The following TRPM6 variants were observed in gnomAD, a reference collection of about 807,000 sequenced individuals.
TRPM6 encodes channel kinase 2.
Under a neutral mutation model 247.6 loss-of-function variants are expected in TRPM6, and 111 were observed. The observed-to-expected ratio is 0.45, with a 90% CI of 0.38 to 0.52. The LOEUF is 0.52. Among genes scored for constraint, TRPM6 ranks in the 20% least tolerant of loss-of-function variants. TRPM6 has a pLI of 0.00. For synonymous variants in TRPM6, 892 were observed against 853.8 expected, an observed-to-expected ratio of 1.04 and a Z score of -0.78; for missense variants, 2,126 against 2,421.5, an observed-to-expected ratio of 0.88 and a Z score of 2.56.
At chr9:74,783,626 G>A (rs1827540705) in intron 21 of TRPM6, among the ~76,000 whole-genome samples, 3 of 152,312 alleles carry the variant, frequency 2.0e-5, no homozygotes, top group Admixed American at 2.0e-4. Flanking sequence ...GCCCCCATGA[G>A]CACTCACCAA....
intron 23 of TRPM6, among the ~76,000 whole-genome samples, chr9:74,781,396 C>T (rs1827438535): frequency 6.6e-6 from 1 of 151,684 alleles, no homozygotes; most frequent in Non-Finnish European, 1.5e-5. Context: ...ATTAGCCAGG[C>T]ATGGTGGCAG....
chr9:74,781,604 A>C (rs193094753), intron 23 of TRPM6, among the ~76,000 whole-genome samples: 302 of 151,762 alleles, frequency 2.0e-3, no homozygotes, highest in African/African-American at 7.0e-3. Flanking sequence ...AAAGAGAGGA[A>C]AGGAGAGGAG....
Position 74,788,666 on chromosome 9 carries a change from T to C in TRPM6, c.2615A>G (p.Glu872Gly). Residue 872 changes from glutamate (E) to glycine (G), a missense_variant, in exon 20 of 39, where the codon GAG (glutamate) becomes GGG (glycine). Physicochemically the swap from Glu to Gly is moderately conservative, Grantham distance 98 (BLOSUM62 -2). This residue lies in a region of TRPM6 where 1,082 missense variants were observed against 1,307.9 expected (regional missense o/e 0.83). Coordinates refer to ENST00000360774, the MANE Select transcript of TRPM6 (RefSeq NM_017662.5). ...GAAGATGTAAATGCTAACAAGCCAC[T>C]CCTGCACGCTGGGCTGGGGCTGCAT... Reference protein sequence around the residue: ...VEMQPQPSVQEWLVSIYIFTN... With the variant: ...VEMQPQPSVQGWLVSIYIFTN... The C allele has an allele frequency of 1.2e-6, 2 of 1,614,030 alleles. No homozygotes were observed. Among genetic ancestry groups the C allele is most frequent in the Non-Finnish European group, 1.7e-6 (2 of 1,179,958 alleles).
chr9:74,801,423 A>G (rs77230869), intron 16 of TRPM6, among the ~76,000 whole-genome samples: 3,111 of 152,068 alleles, frequency 0.02, 101 homozygotes, highest in African/African-American at 0.07. Flanking sequence ...CTTCATTACT[A>G]TAACACTTTA....
intron 1 of TRPM6, chr9:74,887,523 A>G: frequency 8.3e-7 from 1 of 1,199,688 alleles, no homozygotes; most frequent in Non-Finnish European, 1.2e-6. Context: ...CCCCGAGCTG[A>G]ACCCCCGACC....
intron 36 of TRPM6, among the ~76,000 whole-genome samples, chr9:74,733,996 C>T (rs555351888): frequency 4.6e-5 from 7 of 152,092 alleles, no homozygotes; most frequent in South Asian, 2.1e-4. Context: ...ATTTTCTAAA[C>T]GTATATAAGT....
chr9:74,807,290 C>G (rs1828558160), intron 14 of TRPM6, among the ~76,000 whole-genome samples: 1 of 152,180 alleles, frequency 6.6e-6, no homozygotes, highest in Non-Finnish European at 1.5e-5. Flanking sequence ...CAACAAAGGT[C>G]TCCTTGTCAC....
chr9:74,767,016 T>G (rs1471663861), intron 25 of TRPM6, among the ~76,000 whole-genome samples: 1 of 152,194 alleles, frequency 6.6e-6, no homozygotes. Flanking sequence ...CATTGACCAC[T>G]GCCTTCTGGT....
At chr9:74,766,633 G>A (rs1230361027) in intron 25 of TRPM6, among the ~76,000 whole-genome samples, 3 of 152,052 alleles carry the variant, frequency 2.0e-5, no homozygotes, top group Non-Finnish European at 2.9e-5. Context: ...TGGGTCAGCC[G>A]GGCACAGTGG....
rs751686017 is a variant in TRPM6 at position 74,792,729 on chromosome 9, A to C, written c.2433T>G (p.Asp811Glu). ...TTTCCAAACCAAAATGCTGATTTTC[A>C]TCCAGTTTCTCATCATGGCCCCTTT... is the stretch of plus-strand genomic sequence containing the variant. ...DLERGHDEKLDENQHFGLESG... is the reference protein window; with the variant it reads ...DLERGHDEKLEENQHFGLESG... Residue 811 changes from aspartate (D) to glutamate (E), a missense_variant, in exon 19 of 39, where the codon GAT becomes GAG. Physicochemically the swap from Asp to Glu is conservative, Grantham distance 45. Transcript: ENST00000360774. 1.9e-6 allele frequency: 3 copies of C among 1,613,846 alleles called. No homozygotes were observed. The African/African-American group carries it at 4.0e-5, about 22-fold the overall frequency.
intron 18 of TRPM6, among the ~76,000 whole-genome samples, chr9:74,793,515 C>T (rs1298055087): frequency 6.6e-6 from 1 of 152,110 alleles, no homozygotes; most frequent in Non-Finnish European, 1.5e-5. Flanking sequence ...CCACACCTGG[C>T]TAATTTTTGT....
chr9:74,823,453 GTGTA>G (rs1485721368), intron 7 of TRPM6, among the ~76,000 whole-genome samples: 1 of 152,180 alleles, frequency 6.6e-6, no homozygotes, highest in Non-Finnish European at 1.5e-5. Context: ...GGTCTTCCAT[GTGTA>G]TCCTGTGTCA....
At chr9:74,751,660 C>G (rs1826250878) in intron 29 of TRPM6, among the ~76,000 whole-genome samples, 1 of 152,194 alleles carries the variant, frequency 6.6e-6, no homozygotes, top group Non-Finnish European at 1.5e-5. Context: ...TTTTAGACAG[C>G]AAGAAAAACA....
intron 31 of TRPM6, 64 bp from the exon 32 acceptor site, chr9:74,744,209 T>C: frequency 1.3e-6 from 2 of 1,505,424 alleles, no homozygotes; most frequent in Non-Finnish European, 1.8e-6. Context: ...TGTTTATGAA[T>C]ATATTGCCTT....
intron 1 of TRPM6, among the ~76,000 whole-genome samples, chr9:74,870,316 C>T (rs1212316796): frequency 2.0e-5 from 3 of 152,154 alleles, no homozygotes; most frequent in Non-Finnish European, 2.9e-5. Context: ...AGCTAATAAC[C>T]TAAAAACATG....
intron 19 of TRPM6, among the ~76,000 whole-genome samples, chr9:74,789,314 A>G (rs1224196545): frequency 6.6e-6 from 1 of 151,634 alleles, no homozygotes; most frequent in East Asian, 1.9e-4. Context: ...AGCACTCAGC[A>G]CTCTGCTTGA....
chr9:74,791,786 C>T (rs371036141), intron 19 of TRPM6, among the ~76,000 whole-genome samples: 167 of 152,236 alleles, frequency 1.1e-3, no homozygotes, highest in African/African-American at 3.2e-3. Flanking sequence ...GATGGGGTCT[C>T]GCTCTGTTGC....
At chr9:74,865,071 C>A (rs1830805304) in intron 1 of TRPM6, among the ~76,000 whole-genome samples, 1 of 98,260 alleles carries the variant, frequency 1.0e-5, no homozygotes, top group African/African-American at 4.0e-5. Context: ...GAAATTCCCT[C>A]TCAAAAAAAA....
At chr9:74,743,199 C>T (rs1416104578) in intron 32 of TRPM6, among the ~76,000 whole-genome samples, 2 of 152,092 alleles carry the variant, frequency 1.3e-5, no homozygotes, top group South Asian at 2.1e-4. Context: ...AGATTACTGC[C>T]GAGCTGAAAG....
Sources: allele counts gnomAD v4.1 joint callset (sites outside exome capture counted in the v4.1 genomes callset), GRCh38; gene constraint gnomAD v4.1.1; regional missense constraint gnomAD v4.1.1; transcripts MANE v1.5; gene names NCBI Gene and HGNC (gene_info 2026-07-23, HGNC 2026-07-21).